Variants in ATXN10 observed in about 807,000 individuals in gnomAD.
The protein encoded by ATXN10 is ataxin-10.
Under a neutral mutation model 52.9 loss-of-function variants are expected in ATXN10, and 28 were observed. That is an observed-to-expected ratio of 0.53 (90% CI 0.39 to 0.73). ATXN10 has a LOEUF of 0.73. ATXN10 is among the 30% of genes least tolerant of loss of function. The pLI is 0.00. For missense variants in ATXN10, 565 were observed against 577.0 expected, an observed-to-expected ratio of 0.98 and a Z score of 0.21; for synonymous variants, 226 against 221.5, an observed-to-expected ratio of 1.02 and a Z score of -0.18.
rs1228882542 is a variant in ATXN10 at position 45,688,694 on chromosome 22, T to C, written c.117-1018T>C. ...AGTTCTGAATGAACATGTGGCTCCC[T>C]GCTGGTCTGGCTCAATCCAAGGGTG... On this transcript the variant is annotated intron_variant, in intron 1 of 11. Transcript: ENST00000252934. This position sits in a 1 kb window ranked among gnomAD's most constrained non-coding sequence, Gnocchi z 4.0. Among the ~76,000 whole-genome samples the C allele has an allele frequency of 6.6e-6, 1 of 152,204 alleles. No homozygotes were observed. The highest frequency in any genetic ancestry group is 2.4e-5 in the African/African-American group (1 of 41,438).
At chr22:45,689,948 A>C (rs1422314974) in intron 2 of ATXN10, 45 bp downstream of exon 2, 1 of 1,589,042 alleles carries the variant, frequency 6.3e-7, no homozygotes, top group Non-Finnish European at 8.6e-7. Flanking sequence ...GTATATGTGC[A>C]TGCTGGTTCT....
chr22:45,748,900 G>C (rs1230970454), intron 9 of ATXN10, among the ~76,000 whole-genome samples: 1 of 152,134 alleles, frequency 6.6e-6, no homozygotes, highest in African/African-American at 2.4e-5. Flanking sequence ...CATGGTTTAG[G>C]TTGTTGCAGC....
chr22:45,827,129 C>CCA (rs57068887), intron 10 of ATXN10, among the ~76,000 whole-genome samples: 2,122 of 146,664 alleles, frequency 0.014, 27 homozygotes, highest in East Asian at 0.027. Flanking sequence ...CCCATGGTAA[C>CCA]CACACACACA....
Position 45,770,638 on chromosome 22 carries a change from C to T in ATXN10, c.1173+30100C>T, listed in dbSNP as rs1039991514. Among the ~76,000 whole-genome samples, 9 of 152,194 alleles carry T rather than the reference C, an allele frequency of 5.9e-5. No homozygotes were observed. Among genetic ancestry groups the T allele is most frequent in the Admixed American group, 3.3e-4 (5 of 15,284 alleles). The stretch of plus-strand genomic sequence containing the variant: ...TCACAGAGAGCCACGTCCACATATG[C>T]GAGAGCCACTGATGGTTCTCGGCCT... On this transcript the variant is annotated intron_variant, in intron 9 of 11. Transcript: ENST00000252934. The surrounding 1 kb of genome is among the most constrained non-coding windows in gnomAD (Gnocchi z 4.5).
rs755171971 is a variant in ATXN10 at position 45,766,004 on chromosome 22, T to G, written c.1173+25466T>G. 3.9e-5 allele frequency among the ~76,000 whole-genome samples: 6 copies of G among 152,164 alleles called. No homozygotes were observed. Among genetic ancestry groups the G allele is most frequent in the Non-Finnish European group, 7.3e-5 (5 of 68,028 alleles). Reference sequence around the variant, plus strand: ...ACAGCTTCCACTGTTCAAAACAACCTGGCATTGGCACGTGAAGGGGCTGAC... The same window carrying G: ...ACAGCTTCCACTGTTCAAAACAACCGGGCATTGGCACGTGAAGGGGCTGAC... On this transcript the variant is annotated intron_variant, in intron 9 of 11. Coordinates refer to ENST00000252934, the MANE Select transcript of ATXN10 (RefSeq NM_013236.4). The surrounding 1 kb of genome is among the most constrained non-coding windows in gnomAD (Gnocchi z 4.6).
chr22:45,725,478 T>C (rs1273933660), intron 6 of ATXN10, among the ~76,000 whole-genome samples: 1 of 151,976 alleles, frequency 6.6e-6, no homozygotes, highest in Non-Finnish European at 1.5e-5. Context: ...TTATTGTTGA[T>C]GTATACCAGT....
Position 45,690,908 on chromosome 22 carries a change from T to TA in ATXN10, c.308+1006dup, listed in dbSNP as rs900672779. Among the ~76,000 whole-genome samples, 1 of 152,208 alleles carries TA rather than the reference T, an allele frequency of 6.6e-6. No individual in the cohort carries two copies. Among genetic ancestry groups the TA allele is most frequent in the African/African-American group, 2.4e-5 (1 of 41,442 alleles). On this transcript the variant is annotated intron_variant, in intron 2 of 11. Transcript: ENST00000252934. The surrounding 1 kb of genome is among the most constrained non-coding windows in gnomAD (Gnocchi z 4.5). Reference sequence around the variant, plus strand: ...TCACTTTCCTTCCTGGACTTGGATGTAGACAGAGCCTCCAGGCTTCCCTGT... The same window carrying TA: ...TCACTTTCCTTCCTGGACTTGGATGTAAGACAGAGCCTCCAGGCTTCCCTGT...
intron 1 of ATXN10, chr22:45,674,414 C>G (rs1922600343): frequency 6.6e-6 from 1 of 152,264 alleles, no homozygotes; most frequent in Admixed American, 6.5e-5. Flanking sequence ...GTGCAGAGAA[C>G]TCATGATCAG....
chr22:45,738,897 G>A, intron 8 of ATXN10, 58 bp downstream of exon 8: 1 of 1,392,288 alleles, frequency 7.2e-7, no homozygotes, highest in Non-Finnish European at 1.0e-6. Context: ...TTGTCATACT[G>A]TAATATAAAT....
chr22:45,746,406 C>G (rs1196451093), intron 9 of ATXN10, among the ~76,000 whole-genome samples: 27 of 151,674 alleles, frequency 1.8e-4, no homozygotes, highest in Admixed American at 1.8e-3. Flanking sequence ...TGGCTATTTC[C>G]TAATGATTTT....
intron 7 of ATXN10, among the ~76,000 whole-genome samples, chr22:45,736,943 G>A (rs879275609): frequency 6.6e-6 from 1 of 152,152 alleles, no homozygotes; most frequent in Non-Finnish European, 1.5e-5. Flanking sequence ...TTTTTAAAGA[G>A]AAACTTTCCC....
intron 9 of ATXN10, among the ~76,000 whole-genome samples, chr22:45,796,545 C>T (rs950733940): frequency 6.6e-6 from 1 of 152,194 alleles, no homozygotes; most frequent in African/African-American, 2.4e-5. Flanking sequence ...AACCTGCCAA[C>T]ATGTGATATC....
chr22:45,732,949 T>C lies in ATXN10; in HGVS notation c.894+3359T>C, dbSNP rs1028893279. 2.0e-5 allele frequency among the ~76,000 whole-genome samples: 3 copies of C among 152,240 alleles called. No individual in the cohort carries two copies. The highest frequency in any genetic ancestry group is 7.2e-5 in the African/African-American group (3 of 41,466). On this transcript the variant is annotated intron_variant, in intron 7 of 11. Coordinates refer to ENST00000252934, the MANE Select transcript of ATXN10 (RefSeq NM_013236.4). The surrounding 1 kb of genome is among the most constrained non-coding windows in gnomAD (Gnocchi z 4.5). ...GTATTTATAGCATGTGTTTTTTAAT[T>C]TATGTAATTGTTTGGCTTTAAAATC...
chr22:45,692,246 A>G (rs1352516845), intron 2 of ATXN10, among the ~76,000 whole-genome samples: 2 of 152,202 alleles, frequency 1.3e-5, no homozygotes, highest in Non-Finnish European at 2.9e-5. Context: ...TTCTAACATT[A>G]CAAAAATAAA....
At chr22:45,771,413 CTTTTTTTT>C (rs908863420) in intron 9 of ATXN10, among the ~76,000 whole-genome samples, 2 of 123,256 alleles carry the variant, frequency 1.6e-5, no homozygotes, top group Non-Finnish European at 3.5e-5. Flanking sequence ...ATGCTTGAGT[CTTTTTTTT>C]TTTTTTTTTT....
intron 9 of ATXN10, among the ~76,000 whole-genome samples, chr22:45,796,258 C>A (rs1320601511): frequency 2.0e-5 from 3 of 152,200 alleles, no homozygotes; most frequent in Admixed American, 6.5e-5. Flanking sequence ...GAAATTCCAG[C>A]CTGGCGAATT....
intron 5 of ATXN10, among the ~76,000 whole-genome samples, chr22:45,706,839 C>T (rs1479543755): frequency 6.6e-6 from 1 of 152,036 alleles, no homozygotes; most frequent in African/African-American, 2.4e-5. Flanking sequence ...AATGTGTATG[C>T]TGCTGGTTTT....
intron 5 of ATXN10, among the ~76,000 whole-genome samples, chr22:45,703,403 A>C (rs140398983): frequency 6.6e-6 from 1 of 152,144 alleles, no homozygotes; most frequent in Non-Finnish European, 1.5e-5. Flanking sequence ...GGTTTCCTCA[A>C]CTTCTTGAAT....
intron 10 of ATXN10, among the ~76,000 whole-genome samples, chr22:45,829,921 T>C (rs868809697): frequency 6.6e-6 from 1 of 152,176 alleles, no homozygotes; most frequent in Non-Finnish European, 1.5e-5. Context: ...CAAAACAATG[T>C]ATAAGAAGAA....
Sources: gnomAD v4.1 joint callset for allele counts (sites outside exome capture counted in the v4.1 genomes callset) on GRCh38, gnomAD v4.1.1 for gene constraint, Gnocchi (gnomAD v3.1) non-coding constraint, MANE v1.5 for transcripts, NCBI Gene and HGNC (gene_info 2026-07-23, HGNC 2026-07-21) for gene names.